RELL1: variants seen among roughly 807,000 people sequenced by gnomAD.
RELL1 encodes RELT like 1, also known as RELT-like protein 1.
A neutral mutation model predicts 23.0 loss-of-function variants in RELL1; 10 were observed. The observed-to-expected ratio is 0.43, with a 90% CI of 0.27 to 0.74. RELL1 has a LOEUF of 0.74. Ranked by LOEUF, RELL1 falls within the 30% of genes least tolerant of loss-of-function variation. RELL1 has a pLI of 0.19. For missense variants in RELL1, 315 were observed against 364.4 expected (o/e 0.86, Z 1.10); for synonymous variants, 146 against 146.8 (o/e 0.99, Z 0.04).
chr4:37,664,298 C>T (rs1483925995), intron 1 of RELL1, among the ~76,000 whole-genome samples: 1 of 151,758 alleles, frequency 6.6e-6, no homozygotes, highest in African/African-American at 2.4e-5. Context: ...ATTGCTTGAA[C>T]CCGGGTTGAA....
At chr4:37,677,617 C>T (rs1182010231) in intron 1 of RELL1, among the ~76,000 whole-genome samples, 1 of 152,204 alleles carries the variant, frequency 6.6e-6, no homozygotes, top group African/African-American at 2.4e-5. Flanking sequence ...TTCCAAAGTT[C>T]TTCCAGAAGA....
intron 1 of RELL1, chr4:37,665,193 G>A (rs745817004): frequency 8.8e-6 from 4 of 455,104 alleles, no homozygotes; most frequent in Non-Finnish European, 1.8e-5. Flanking sequence ...AGAATATCCA[G>A]TGTACTTACA....
At chr4:37,624,920 A>G (rs899193125) in intron 6 of RELL1, among the ~76,000 whole-genome samples, 1 of 152,216 alleles carries the variant, frequency 6.6e-6, no homozygotes, top group Non-Finnish European at 1.5e-5. Flanking sequence ...AATTAAGACC[A>G]CCAGCCATGA....
At chr4:37,667,338 C>A (rs1721567992) in intron 1 of RELL1, among the ~76,000 whole-genome samples, 1 of 151,370 alleles carries the variant, frequency 6.6e-6, no homozygotes, top group East Asian at 1.9e-4. Flanking sequence ...GGGGTAGCTT[C>A]TATTATTTCC....
Position 37,686,290 on chromosome 4 carries a change from C to A in RELL1, c.-3G>T. On this transcript the variant is annotated 5_prime_UTR_variant, in exon 1 of 7. Coordinates refer to ENST00000454158, the MANE Select transcript of RELL1 (RefSeq NM_001085400.2). ...CCCGGGAGTGCCCGCGGAGCCATCG[C>A]CGCGTCGCTTCGCCCTCCTCCCCCA... The A allele has an allele frequency of 6.6e-7, 1 of 1,515,832 alleles. No homozygotes were observed. Among genetic ancestry groups the A allele is most frequent in the East Asian group, 2.7e-5 (1 of 36,866 alleles). 93.9% of individuals were successfully genotyped at this position (1,515,832 alleles called of 1,614,324 possible). A position where few individuals can be genotyped will look rare whatever the true frequency, so the allele number is the denominator to read the frequency against.
chr4:37,670,727 T>C (rs1457036010), intron 1 of RELL1, among the ~76,000 whole-genome samples: 4 of 152,016 alleles, frequency 2.6e-5, no homozygotes, highest in African/African-American at 9.7e-5. Context: ...CGTGCCACCA[T>C]GCCCAGCTGA....
At chr4:37,677,976 C>A (rs1191102343) in intron 1 of RELL1, among the ~76,000 whole-genome samples, 2 of 151,986 alleles carry the variant, frequency 1.3e-5, no homozygotes, top group East Asian at 1.9e-4. Context: ...CCTTGTCCCC[C>A]CAAAAAAGAA....
downstream of RELL1, among the ~76,000 whole-genome samples, chr4:37,586,389 G>C (rs925787708): frequency 1.1e-4 from 17 of 152,124 alleles, no homozygotes; most frequent in Non-Finnish European, 1.0e-4. Flanking sequence ...TCTGTACCAG[G>C]TGCTGTCCTA....
chr4:37,590,733 G>A (rs770434928), downstream of RELL1: 5 of 1,614,190 alleles, frequency 3.1e-6, no homozygotes, highest in Non-Finnish European at 4.2e-6. Flanking sequence ...CAGTGGGGGA[G>A]CATGGTTTGA....
intron 6 of RELL1, among the ~76,000 whole-genome samples, chr4:37,593,583 G>A (rs1280239242): frequency 1.3e-5 from 2 of 152,146 alleles, no homozygotes; most frequent in Non-Finnish European, 2.9e-5. Context: ...TCAAAATCTG[G>A]TCACTTGGCC....
downstream of RELL1, among the ~76,000 whole-genome samples, chr4:37,587,493 T>C (rs1441227729): frequency 6.6e-6 from 1 of 152,206 alleles, no homozygotes. Context: ...ACCAGTCATA[T>C]TCACTGTGGA....
chr4:37,609,981 G>A (rs1412806246), downstream of RELL1, among the ~76,000 whole-genome samples: 1 of 152,212 alleles, frequency 6.6e-6, no homozygotes, highest in African/African-American at 2.4e-5. Context: ...CAGATTTTGA[G>A]ATGATTGACT....
chr4:37,674,450 T>C (rs1365054819), intron 1 of RELL1, among the ~76,000 whole-genome samples: 1 of 152,238 alleles, frequency 6.6e-6, no homozygotes, highest in African/African-American at 2.4e-5. Context: ...CAATATCCAA[T>C]GCTTCCCTTT....
chr4:37,622,444 C>G (rs1426528873), intron 6 of RELL1, among the ~76,000 whole-genome samples: 1 of 152,142 alleles, frequency 6.6e-6, no homozygotes, highest in East Asian at 1.9e-4. Flanking sequence ...TATTTTTCAC[C>G]CTGCAGACTT....
At chr4:37,682,940 A>G (rs1174066956) in intron 1 of RELL1, among the ~76,000 whole-genome samples, 1 of 152,222 alleles carries the variant, frequency 6.6e-6, no homozygotes, top group Non-Finnish European at 1.5e-5. Flanking sequence ...TTGAGTAACC[A>G]GAGAACTTAA....
At chr4:37,596,738 T>TATATATATATA (rs61256232) in intron 6 of RELL1, among the ~76,000 whole-genome samples, 13 of 18,506 alleles carry the variant, frequency 7.0e-4, no homozygotes, top group African/African-American at 1.2e-3. Flanking sequence ...ATATATATAT[T>TATATATATATA]TTTTTTTTTT....
At chr4:37,671,696 A>C (rs921080049) in intron 1 of RELL1, among the ~76,000 whole-genome samples, 1 of 152,066 alleles carries the variant, frequency 6.6e-6, no homozygotes, top group Admixed American at 6.5e-5. Context: ...AGAAGTAACC[A>C]TAAAAATAGC....
intron 6 of RELL1, among the ~76,000 whole-genome samples, chr4:37,597,549 G>A (rs984890678): frequency 1.3e-5 from 2 of 152,164 alleles, no homozygotes; most frequent in Admixed American, 6.5e-5. Context: ...ACATAAATCA[G>A]GAAGAGTTCA....
chr4:37,677,848 T>C (rs926797844), intron 1 of RELL1, among the ~76,000 whole-genome samples: 6 of 152,086 alleles, frequency 3.9e-5, no homozygotes, highest in African/African-American at 1.4e-4. Flanking sequence ...GGCAGGTGCC[T>C]GTAATCCCAG....
Sources: allele counts gnomAD v4.1 joint callset (sites outside exome capture counted in the v4.1 genomes callset), GRCh38; gene constraint gnomAD v4.1.1; transcripts MANE v1.5; gene names NCBI Gene and HGNC (gene_info 2026-07-23, HGNC 2026-07-21).